ABLIM2: variants seen among roughly 807,000 people sequenced by gnomAD.
ABLIM2 encodes the protein actin binding LIM protein family member 2, also known as actin-binding LIM protein 2.
In ABLIM2, 53 loss-of-function variants were observed where a neutral mutation model predicts 97.7. The observed-to-expected ratio is 0.54, with a 90% CI of 0.44 to 0.68. The LOEUF (loss-of-function observed/expected upper bound fraction) is 0.68, where lower values mean the gene tolerates loss of function less well. Ranked by LOEUF, ABLIM2 falls within the 30% of genes least tolerant of loss-of-function variation. The pLI, the probability that ABLIM2 is intolerant of heterozygous loss-of-function variation, is 0.00. For synonymous variants in ABLIM2, 361 were observed against 345.8 expected, an observed-to-expected ratio of 1.04 and a Z score of -0.49; for missense variants, 835 against 867.2, an observed-to-expected ratio of 0.96 and a Z score of 0.47.
At chr4:8,038,449 T>C (rs1785965146) in intron 9 of ABLIM2, among the ~76,000 whole-genome samples, 1 of 152,198 alleles carries the variant, frequency 6.6e-6, no homozygotes, top group Non-Finnish European at 1.5e-5. Context: ...GCCCTCATTA[T>C]GGCCCCCAAA....
chr4:8,146,171 T>C (rs1851772856), intron 1 of ABLIM2, among the ~76,000 whole-genome samples: 1 of 152,268 alleles, frequency 6.6e-6, no homozygotes, highest in Non-Finnish European at 1.5e-5. Context: ...ATATTTTTAA[T>C]GCACAATATT....
intron 3 of ABLIM2, among the ~76,000 whole-genome samples, chr4:8,090,868 A>G (rs2152541132): frequency 6.6e-6 from 1 of 152,204 alleles, no homozygotes; most frequent in Admixed American, 6.5e-5. Flanking sequence ...CACAACAGCC[A>G]TTCCATGCAA....
At position 8,044,457 on chromosome 4, in the gene ABLIM2, ATATGTATATG is replaced by A. The variant is rs1790828496; in HGVS notation, c.900+697_900+706del. Among the ~76,000 whole-genome samples, 1 of 151,806 alleles carries A rather than the reference ATATGTATATG, an allele frequency of 6.6e-6. No individual in the cohort carries two copies. On this transcript the variant is annotated intron_variant, in intron 9 of 20. Transcript: ENST00000447017. This position sits in a 1 kb window ranked among gnomAD's most constrained non-coding sequence, Gnocchi z 4.4. The stretch of plus-strand genomic sequence containing the variant: ...TATTAAATATTAAATTTACATATAC[ATATGTATATG>A]TATGTATACATATATAAATTTAAAT...
intron 9 of ABLIM2, among the ~76,000 whole-genome samples, chr4:8,039,065 A>T (rs1786406886): frequency 6.6e-6 from 1 of 151,914 alleles, no homozygotes; most frequent in African/African-American, 2.4e-5. Flanking sequence ...GTTGATCTTC[A>T]TCTGTTGAGT....
rs1807533971 is a variant in ABLIM2, at chr4:8,066,365, GGA to G, written c.676-5313_676-5312del. On this transcript the variant is annotated intron_variant, in intron 6 of 20. Coordinates refer to ENST00000447017, the MANE Select transcript of ABLIM2 (RefSeq NM_001130083.2). The stretch of plus-strand genomic sequence containing the variant: ...GGGAGAGAGGGAGGGAGGGAGGGAA[GGA>G]AGGAAGGAAGGAAGGAAGGAAGGAA... Among the ~76,000 whole-genome samples the G allele has an allele frequency of 5.8e-5, 3 of 52,122 alleles. 1 individual carries two copies. The East Asian group carries it at 1.6e-3, about 29-fold the overall frequency. 34.2% of individuals were successfully genotyped at this position (52,122 alleles called of 152,430 possible). A position where few individuals can be genotyped will look rare whatever the true frequency, so the allele number is the denominator to read the frequency against.
intron 1 of ABLIM2, among the ~76,000 whole-genome samples, chr4:8,126,707 A>G (rs1379929294): frequency 6.6e-6 from 1 of 152,022 alleles, no homozygotes; most frequent in African/African-American, 2.4e-5. Context: ...CAGGACGCTC[A>G]GCCGTGGCCT....
Position 8,088,211 on chromosome 4 carries a change from C to G in ABLIM2, c.412G>C (p.Val138Leu). The G allele has an allele frequency of 6.2e-7, 1 of 1,612,496 alleles. No homozygotes were observed. Residue 138 changes from valine to leucine, a missense_variant, in exon 4 of 21, where the codon GTA (valine) becomes CTA (leucine). Transcript: ENST00000447017. ...AGGTGCGCGCTGCTGCCCACCGATA[C>G]GGGCAGGGAACACTTCTGGCACATG... ...ECMCQKCSLP[V>L]SVGSSAHLSQ...
rs140808111 is a variant in ABLIM2, at chr4:8,052,043, C to T, written c.822+2145G>A. ...CTACCAGGGAGCTTCTTCCTTCTGC[C>T]TTTCTTCTTTCTTGCCTATTAAACT... On this transcript the variant is annotated intron_variant, in intron 8 of 20. Coordinates refer to ENST00000447017, the MANE Select transcript of ABLIM2 (RefSeq NM_001130083.2). 1.7e-3 allele frequency among the ~76,000 whole-genome samples: 266 copies of T among 152,328 alleles called. 6 individuals carry two copies. In the East Asian group the frequency reaches 0.036, roughly 21 times the overall value.
chr4:8,105,831 G>GC (rs1266185457), intron 2 of ABLIM2, among the ~76,000 whole-genome samples: 4 of 152,208 alleles, frequency 2.6e-5, no homozygotes, highest in African/African-American at 9.6e-5. Flanking sequence ...TAGAAAATTA[G>GC]CAAGGGCACA....
intron 2 of ABLIM2, among the ~76,000 whole-genome samples, chr4:8,105,197 G>A (rs1008357395): frequency 2.6e-5 from 4 of 152,192 alleles, no homozygotes; most frequent in African/African-American, 7.2e-5. Context: ...TTCTACTCCC[G>A]AGGTTCTAGC....
At chr4:8,152,864 AAAG>A (rs1284094658) in intron 1 of ABLIM2, among the ~76,000 whole-genome samples, 1 of 152,176 alleles carries the variant, frequency 6.6e-6, no homozygotes. Context: ...GCAGCAATGG[AAAG>A]AAGGACACAG....
In ABLIM2 at chr4:8,095,623, A is replaced by T. The variant is rs1831158105; in HGVS notation, c.338+1476T>A. ...GGTCTCCAGTTCCTGGTCTCAAGCG[A>T]TCCTCCTACCTTGGCCTCCCGAGGT... is the stretch of plus-strand genomic sequence containing the variant. On this transcript the variant is annotated intron_variant, in intron 3 of 20. Coordinates refer to ENST00000447017, the MANE Select transcript of ABLIM2 (RefSeq NM_001130083.2). This position sits in a 1 kb window ranked among gnomAD's most constrained non-coding sequence, Gnocchi z 4.7. Among the ~76,000 whole-genome samples, 1 of 152,186 alleles carries T rather than the reference A, an allele frequency of 6.6e-6. No homozygotes were observed. The highest frequency in any genetic ancestry group is 1.9e-4 in the East Asian group (1 of 5,182).
rs559006081 is a variant in ABLIM2 at position 8,032,732 on chromosome 4, G to A, written c.1048-2956C>T. 5.0e-6 allele frequency: 8 copies of A among 1,593,150 alleles called. No individual in the cohort carries two copies. In the Admixed American group the frequency reaches 1.3e-4, roughly 27 times the overall value. On this transcript the variant is annotated intron_variant, in intron 10 of 20. Transcript: ENST00000447017. The surrounding 1 kb of genome is among the most constrained non-coding windows in gnomAD (Gnocchi z 4.3). ...ATTAGTGCTGGCGCCAGGCAGAGAG[G>A]GAGGAGGGCAGTTCCGTGACTGGCA...
intron 1 of ABLIM2, among the ~76,000 whole-genome samples, chr4:8,134,514 C>A (rs192277639): frequency 5.3e-5 from 8 of 152,326 alleles, no homozygotes; most frequent in Admixed American, 5.2e-4. Flanking sequence ...GATCCATCTC[C>A]CTGCCTGCAA....
chr4:7,980,723 A>G (rs984435684), intron 20 of ABLIM2, among the ~76,000 whole-genome samples: 3 of 151,556 alleles, frequency 2.0e-5, no homozygotes, highest in Non-Finnish European at 4.4e-5. Context: ...TCAAAGAAAA[A>G]AAAAAAAAGA....
rs1462797540 is a variant in ABLIM2 at position 8,005,403 on chromosome 4, C to A, written c.1618+2656G>T. 1 of 533,564 alleles carries A rather than the reference C, an allele frequency of 1.9e-6. No individual in the cohort carries two copies. Among genetic ancestry groups the A allele is most frequent in the African/African-American group, 1.9e-5 (1 of 51,924 alleles). 33.1% of individuals were successfully genotyped at this position (533,564 alleles called of 1,614,324 possible). A position where few individuals can be genotyped will look rare whatever the true frequency, so the allele number is the denominator to read the frequency against. On this transcript the variant is annotated intron_variant, in intron 16 of 20. Coordinates refer to ENST00000447017, the MANE Select transcript of ABLIM2 (RefSeq NM_001130083.2). This position sits in a 1 kb window ranked among gnomAD's most constrained non-coding sequence, Gnocchi z 4.9. ...TGTTGGGTGTCACAATCCTACCTTC[C>A]TTGGGCGCGCTACAGATGGACGTCC... is the stretch of plus-strand genomic sequence containing the variant.
intron 3 of ABLIM2, among the ~76,000 whole-genome samples, chr4:8,090,417 C>A (rs1262130603): frequency 1.3e-5 from 2 of 152,216 alleles, no homozygotes; most frequent in Non-Finnish European, 2.9e-5. Flanking sequence ...CACAGGACAT[C>A]CTGCCTAGGA....
chr4:8,124,002 C>T lies in ABLIM2; in HGVS notation c.11-17365G>A, dbSNP rs1578319999. On this transcript the variant is annotated intron_variant, in intron 1 of 20. Transcript: ENST00000447017. This position sits in a 1 kb window ranked among gnomAD's most constrained non-coding sequence, Gnocchi z 6.1. ...AAGATGAAGGAAAATTTAAAATCCC[C>T]TGCTTCCCTTTTACTGAGACGACCA... 6.6e-6 allele frequency among the ~76,000 whole-genome samples: 1 copy of T among 152,208 alleles called. No individual in the cohort carries two copies. The highest frequency in any genetic ancestry group is 1.5e-5 in the Non-Finnish European group (1 of 68,040).
intron 12 of ABLIM2, among the ~76,000 whole-genome samples, chr4:8,026,358 C>T (rs1777317778): frequency 6.6e-6 from 1 of 152,148 alleles, no homozygotes; most frequent in Admixed American, 6.5e-5. Context: ...AGGGACAGGC[C>T]CTCAGAAAAA....
Sources: gnomAD v4.1 joint callset for allele counts (sites outside exome capture counted in the v4.1 genomes callset) on GRCh38, gnomAD v4.1.1 for gene constraint, Gnocchi (gnomAD v3.1) non-coding constraint, MANE v1.5 for transcripts, NCBI Gene and HGNC (gene_info 2026-07-23, HGNC 2026-07-21) for gene names.